The following CCSER1 variants were observed in gnomAD, a reference collection of about 807,000 sequenced individuals.
CCSER1 encodes the protein coiled-coil serine rich protein 1.
A neutral mutation model predicts 82.0 loss-of-function variants in CCSER1; 41 were observed. The observed-to-expected ratio is 0.50, with a 90% confidence interval of 0.39 to 0.65. The LOEUF (loss-of-function observed/expected upper bound fraction) is 0.65, where lower values mean the gene tolerates loss of function less well. CCSER1 is among the 30% of genes least tolerant of loss of function. The pLI is 0.00. For missense variants in CCSER1, 1,119 were observed against 1,064.2 expected, an observed-to-expected ratio of 1.05 and a Z score of -0.72; for synonymous variants, 414 against 383.9, an observed-to-expected ratio of 1.08 and a Z score of -0.92.
chr4:90,315,158 C>A (rs945133104), intron 3 of CCSER1, among the ~76,000 whole-genome samples: 1 of 151,986 alleles, frequency 6.6e-6, no homozygotes, highest in Admixed American at 6.6e-5. Flanking sequence ...CCCTCCGATC[C>A]GCTTTTAAGA....
chr4:91,484,292 A>G (rs537685672), intron 10 of CCSER1, among the ~76,000 whole-genome samples: 2 of 152,230 alleles, frequency 1.3e-5, no homozygotes, highest in East Asian at 3.9e-4. Context: ...TATCTTTGCA[A>G]ATCTCACTTC....
In CCSER1 at chr4:91,296,483, A is replaced by ATATATATATATATATATATATATT. The variant is rs1175690764; in HGVS notation, c.2217+210492_2217+210493insATATATATATATATATATATTTAT. 8.1e-5 allele frequency among the ~76,000 whole-genome samples: 10 copies of ATATATATATATATATATATATATT among 124,050 alleles called. No individual in the cohort carries two copies. In the South Asian group the frequency reaches 1.4e-3, roughly 18 times the overall value. The allele number at this position is 124,050 out of a possible 152,430, so 81.4% of individuals were successfully genotyped here. A position where few individuals can be genotyped will look rare whatever the true frequency, so the allele number is the denominator to read the frequency against. ...TATATATATGTATATATATATATAT[A>ATATATATATATATATATATATATT]TATTTTAATTAAATATACAGTTATC... On this transcript the variant is annotated intron_variant, in intron 10 of 10. Transcript: ENST00000509176.
chr4:90,625,374 T>C (rs1210898169), intron 5 of CCSER1, among the ~76,000 whole-genome samples: 2 of 152,158 alleles, frequency 1.3e-5, no homozygotes, highest in Non-Finnish European at 2.9e-5. Context: ...CTGTAAACCA[T>C]GGGCACCAAC....
At chr4:90,824,547 C>T (rs1760167710) in intron 8 of CCSER1, among the ~76,000 whole-genome samples, 1 of 151,994 alleles carries the variant, frequency 6.6e-6, no homozygotes. Flanking sequence ...TTTCAGAATT[C>T]AAATTGAATA....
intron 4 of CCSER1, among the ~76,000 whole-genome samples, chr4:90,408,756 C>A (rs558459801): frequency 2.0e-5 from 3 of 152,326 alleles, no homozygotes; most frequent in South Asian, 2.1e-4. Context: ...CAGCTCCTCA[C>A]CAGCAACGGA....
chr4:90,572,600 T>C (rs1780239334), intron 5 of CCSER1, among the ~76,000 whole-genome samples: 1 of 152,064 alleles, frequency 6.6e-6, no homozygotes, highest in Non-Finnish European at 1.5e-5. Flanking sequence ...TATTATCTTG[T>C]TGGATCAATT....
intron 6 of CCSER1, among the ~76,000 whole-genome samples, chr4:90,688,333 A>C (rs180749909): frequency 1.6e-4 from 25 of 152,228 alleles, no homozygotes; most frequent in African/African-American, 6.0e-4. Flanking sequence ...GTGTGCATGC[A>C]TGTATGCATG....
At chr4:90,317,844 A>T (rs1351028289) in intron 3 of CCSER1, among the ~76,000 whole-genome samples, 1 of 152,170 alleles carries the variant, frequency 6.6e-6, no homozygotes, top group Non-Finnish European at 1.5e-5. Context: ...GGTCCCTGTA[A>T]TAAAATACTT....
chr4:90,982,914 A>G lies in CCSER1; in HGVS notation c.2172+59467A>G, dbSNP rs578163913. On this transcript the variant is annotated intron_variant, in intron 9 of 10. Coordinates refer to ENST00000509176, the MANE Select transcript of CCSER1 (RefSeq NM_001145065.2). The stretch of plus-strand genomic sequence containing the variant: ...TCCTTAGAAGCAGACCAGTGAACCC[A>G]TACTCACTTGCACCTTCAGGCCAAG... Among the ~76,000 whole-genome samples the G allele has an allele frequency of 3.3e-5, 5 of 151,978 alleles. No individual in the cohort carries two copies. In the South Asian group the frequency reaches 1.0e-3, roughly 31 times the overall value.
chr4:90,414,206 T>A (rs1368405470), intron 4 of CCSER1, among the ~76,000 whole-genome samples: 1 of 150,838 alleles, frequency 6.6e-6, no homozygotes, highest in East Asian at 1.9e-4. Context: ...AAATTAAAAA[T>A]TTCAATAATT....
At chr4:90,837,677 G>A (rs905279697) in intron 8 of CCSER1, among the ~76,000 whole-genome samples, 1 of 152,152 alleles carries the variant, frequency 6.6e-6, no homozygotes, top group South Asian at 2.1e-4. Context: ...CATTGGAAGA[G>A]TTTAAAAGAA....
At chr4:90,276,249 T>C (rs1201026797) in intron 1 of CCSER1, among the ~76,000 whole-genome samples, 1 of 107,010 alleles carries the variant, frequency 9.3e-6, no homozygotes, top group African/African-American at 3.8e-5. Context: ...TTTCTTTCTT[T>C]CTTTCCTTCC....
At chr4:91,094,644 G>A (rs370455510) in intron 10 of CCSER1, among the ~76,000 whole-genome samples, 46 of 152,234 alleles carry the variant, frequency 3.0e-4, no homozygotes, top group African/African-American at 1.1e-3. Flanking sequence ...TACTGCTTTT[G>A]TCTAATTGGC....
chr4:90,539,588 A>G (rs1049438927), intron 5 of CCSER1, among the ~76,000 whole-genome samples: 1 of 152,034 alleles, frequency 6.6e-6, no homozygotes, highest in African/African-American at 2.4e-5. Flanking sequence ...TAGGGATCTT[A>G]CCACTTTTGC....
chr4:91,060,271 G>A (rs1743845305), intron 9 of CCSER1, among the ~76,000 whole-genome samples: 1 of 152,130 alleles, frequency 6.6e-6, no homozygotes, highest in Middle Eastern at 3.4e-3. Flanking sequence ...GTGTAGCTAA[G>A]TAAATAAGAA....
intron 3 of CCSER1, among the ~76,000 whole-genome samples, chr4:90,334,185 G>A (rs556532455): frequency 1.1e-4 from 17 of 152,212 alleles, no homozygotes; most frequent in Non-Finnish European, 2.2e-4. Context: ...TTTCAGTAAG[G>A]CAGGAGAGTT....
intron 2 of CCSER1, 59 bp from the exon 3 acceptor site, chr4:90,312,804 A>T (rs750068327): frequency 4.9e-5 from 64 of 1,305,034 alleles, no homozygotes; most frequent in Non-Finnish European, 6.8e-5. Flanking sequence ...TCAGTGGGAC[A>T]TTTGTAAAAA....
intron 10 of CCSER1, among the ~76,000 whole-genome samples, chr4:91,385,691 C>A (rs1235931144): frequency 1.3e-5 from 2 of 151,774 alleles, no homozygotes. Flanking sequence ...TTGCCTGCCC[C>A]CTTTGTTGCC....
intron 10 of CCSER1, among the ~76,000 whole-genome samples, chr4:91,175,705 TTGTAGATTCTGGA>T (rs1733262799): frequency 6.6e-6 from 1 of 152,218 alleles, no homozygotes; most frequent in African/African-American, 2.4e-5. Context: ...CTTAAGTTCT[TTGTAGATTCTGGA>T]TATTAGCCCT....
Sources: allele counts gnomAD v4.1 joint callset (sites outside exome capture counted in the v4.1 genomes callset), GRCh38; gene constraint gnomAD v4.1.1; transcripts MANE v1.5; gene names NCBI Gene and HGNC (gene_info 2026-07-23, HGNC 2026-07-21).